The following ABCA5 variants were observed in gnomAD, a reference collection of about 807,000 sequenced individuals.
The protein encoded by ABCA5 is ATP binding cassette subfamily A member 5.
In ABCA5, 163 loss-of-function variants were observed where a neutral mutation model predicts 206.0. The observed-to-expected ratio is 0.79, with a 90% CI of 0.70 to 0.90. ABCA5 has a LOEUF of 0.90. Ranked by LOEUF, ABCA5 falls within the 40% of genes least tolerant of loss-of-function variation. The pLI, the probability that ABCA5 is intolerant of heterozygous loss-of-function variation, is 0.00. For synonymous variants in ABCA5, 609 were observed against 613.8 expected (o/e 0.99, Z 0.11); for missense variants, 1,859 against 1,912.9 (o/e 0.97, Z 0.53).
At chr17:69,302,934 G>T in intron 7 of ABCA5, 28 bp from the exon 8 acceptor site, 1 of 1,322,200 alleles carries the variant, frequency 7.6e-7, no homozygotes. Context: ...TAAGGTTAGT[G>T]CAATGTTCAT....
intron 1 of ABCA5, chr17:69,317,973 G>A (rs2075831687): frequency 6.6e-6 from 1 of 152,174 alleles, no homozygotes; most frequent in African/African-American, 2.4e-5. Flanking sequence ...AAAAAATCCT[G>A]TTAAACCTTC....
intron 8 of ABCA5, among the ~76,000 whole-genome samples, chr17:69,302,055 A>T (rs1456960123): frequency 6.6e-6 from 1 of 152,204 alleles, no homozygotes; most frequent in African/African-American, 2.4e-5. Flanking sequence ...ATATTTAATT[A>T]TATCTCATAA....
At position 69,260,336 on chromosome 17, in the gene ABCA5, A is replaced by C; in HGVS notation, c.3639+2T>G. ...AATTCACAAAAACACTTTATTTCTT[A>C]CCGATATAACAGCTACTGAAAGCCT... is the stretch of plus-strand genomic sequence containing the variant. On this transcript the variant is annotated splice_donor_variant, in intron 27 of 38. Transcript: ENST00000392676. LOFTEE classifies it high-confidence loss of function. 1.3e-6 allele frequency: 2 copies of C among 1,596,882 alleles called. No individual in the cohort carries two copies. Among genetic ancestry groups the C allele is most frequent in the Non-Finnish European group, 1.7e-6 (2 of 1,169,134 alleles).
chr17:69,274,118 G>A lies in ABCA5; in HGVS notation c.2605C>T (p.Leu869Phe), dbSNP rs1234602964. The A allele has an allele frequency of 1.9e-6, 3 of 1,564,522 alleles. No individual in the cohort carries two copies. The highest frequency in any genetic ancestry group is 2.8e-5 in the African/African-American group (2 of 71,636). ...SKSVRSVLLL[L>F]LIFFTVQIFM... ...ATCTGAACTGTGAAAAAAATTAAAA[G>A]CAGAAGCAACCTGAAAAGAAAAAAA... Residue 869 changes from leucine (L) to phenylalanine (F), a missense_variant, in exon 20 of 39, where the codon CTT (leucine) becomes TTT (phenylalanine). Transcript: ENST00000392676.
intron 28 of ABCA5, among the ~76,000 whole-genome samples, chr17:69,257,195 T>G (rs1307620155): frequency 2.6e-5 from 4 of 151,902 alleles, no homozygotes; most frequent in Non-Finnish European, 5.9e-5. Context: ...AGAAACCCTG[T>G]CTCTACTAAA....
chr17:69,324,745 C>T (rs1048244546), intron 1 of ABCA5, among the ~76,000 whole-genome samples: 9 of 152,148 alleles, frequency 5.9e-5, no homozygotes, highest in Admixed American at 3.3e-4. Context: ...CAACAATGTG[C>T]CATTTCAGCC....
intron 18 of ABCA5, among the ~76,000 whole-genome samples, chr17:69,279,293 G>T (rs1276612054): frequency 1.3e-5 from 2 of 152,052 alleles, no homozygotes; most frequent in South Asian, 2.1e-4. Context: ...TTGCTTCAAA[G>T]AGAATAAAAT....
At chr17:69,285,604 TTTC>T (rs549947938) in intron 17 of ABCA5, among the ~76,000 whole-genome samples, 206 of 152,240 alleles carry the variant, frequency 1.4e-3, no homozygotes, top group African/African-American at 4.6e-3. Context: ...CTACAAGCAA[TTTC>T]TTTTTTTTCT....
At position 69,282,980 on chromosome 17, in the gene ABCA5, C is replaced by T. The variant is rs1487106913; in HGVS notation, c.2392+973G>A. Among the ~76,000 whole-genome samples the T allele has an allele frequency of 2.0e-4, 23 of 112,992 alleles. 1 individual carries two copies. In the East Asian group the frequency reaches 6.5e-3, roughly 32 times the overall value. The allele number at this position is 112,992 out of a possible 152,430, so 74.1% of individuals were successfully genotyped here. A position where few individuals can be genotyped will look rare whatever the true frequency, so the allele number is the denominator to read the frequency against. On this transcript the variant is annotated intron_variant, in intron 18 of 38. Transcript: ENST00000392676. ...TATAACCCAAATATCTGTTCTTTCC[C>T]TTTTTTTTTTTTTTTTTTTTTTTTT...
In ABCA5 at chr17:69,254,350, T is replaced by C. The variant is rs2075050760; in HGVS notation, c.4209A>G (p.Gly1403=). The C allele has an allele frequency of 6.2e-7, 1 of 1,613,332 alleles. No homozygotes were observed. The highest frequency in any genetic ancestry group is 1.1e-5 in the South Asian group (1 of 90,912). ...CTTCTTTCATGTCACTTGCACTCAT[T>C]CCTTTGACAGCTCCATAAATTTCAA... ...EHFEIYGAVK[G]MSASDMKEVI... Residue 1403 remains glycine (G), a synonymous_variant, in exon 32 of 39, where the codon GGA becomes GGG. Transcript: ENST00000392676.
At chr17:69,276,527 C>T (rs1185267089) in intron 19 of ABCA5, among the ~76,000 whole-genome samples, 1 of 152,098 alleles carries the variant, frequency 6.6e-6, no homozygotes, top group Non-Finnish European at 1.5e-5. Context: ...AGCTGGAAAC[C>T]ATCATTCTCA....
intron 23 of ABCA5, 79 bp downstream of exon 23, chr17:69,267,864 G>A: frequency 1.5e-6 from 1 of 686,438 alleles, no homozygotes; most frequent in Admixed American, 2.5e-5. Flanking sequence ...ATTATACTAA[G>A]CCTTGCAATC....
chr17:69,295,935 T>C (rs1368733880), intron 10 of ABCA5, among the ~76,000 whole-genome samples: 1 of 152,288 alleles, frequency 6.6e-6, no homozygotes, highest in African/African-American at 2.4e-5. Flanking sequence ...GGATCAACTA[T>C]AAAATTATTT....
intron 23 of ABCA5, among the ~76,000 whole-genome samples, chr17:69,265,194 C>T (rs34334829): frequency 0.39 from 58,648 of 151,484 alleles, 12,311 homozygotes; most frequent in South Asian, 0.5. Flanking sequence ...GGTGTCATGG[C>T]GGTTGGGGTT....
intron 23 of ABCA5, among the ~76,000 whole-genome samples, chr17:69,267,301 T>A (rs757877784): frequency 6.6e-6 from 1 of 152,198 alleles, no homozygotes; most frequent in African/African-American, 2.4e-5. Flanking sequence ...GAATTTTTAT[T>A]AGAGCAGTAA....
chr17:69,274,215 T>C (rs903413428), intron 19 of ABCA5, 87 bp from the exon 20 acceptor site: 4 of 1,301,530 alleles, frequency 3.1e-6, no homozygotes, highest in East Asian at 2.5e-5. Flanking sequence ...CACATTGATA[T>C]GGACTTTTTT....
chr17:69,279,565 G>A (rs1007481314), intron 18 of ABCA5, among the ~76,000 whole-genome samples: 44 of 151,750 alleles, frequency 2.9e-4, no homozygotes, highest in African/African-American at 9.4e-4. Context: ...AAAAGAGCCC[G>A]CATCGCCAAG....
chr17:69,276,674 G>T (rs568321078), intron 19 of ABCA5, among the ~76,000 whole-genome samples: 2 of 152,132 alleles, frequency 1.3e-5, no homozygotes, highest in African/African-American at 2.4e-5. Flanking sequence ...ACTGGGGAGG[G>T]ATAGCATTAG....
chr17:69,270,513 A>C (rs1049061903), intron 22 of ABCA5, 100 bp downstream of exon 22: 58 of 1,141,304 alleles, frequency 5.1e-5, no homozygotes, highest in Non-Finnish European at 6.0e-5. Context: ...AGATCTCACA[A>C]GATAAATTTC....
Sources: allele counts gnomAD v4.1 joint callset (sites outside exome capture counted in the v4.1 genomes callset), GRCh38; gene constraint gnomAD v4.1.1; transcripts MANE v1.5; gene names NCBI Gene and HGNC (gene_info 2026-07-23, HGNC 2026-07-21).